Variants in CYP4X1 observed in about 807,000 individuals in gnomAD.
CYP4X1 encodes cytochrome P450 family 4 subfamily X member 1, also known as cytochrome P450 4X1.
In CYP4X1, 44 loss-of-function variants were observed where a neutral mutation model predicts 57.9. That is an observed-to-expected ratio of 0.76 (90% CI 0.60 to 0.98). The LOEUF (loss-of-function observed/expected upper bound fraction) is 0.98, where lower values mean the gene tolerates loss of function less well. Among genes scored for constraint, CYP4X1 ranks in the 50% least tolerant of loss-of-function variants. CYP4X1 has a pLI of 0.00. For synonymous variants in CYP4X1, 227 were observed against 228.6 expected (o/e 0.99, Z 0.06); for missense variants, 532 against 623.9 (o/e 0.85, Z 1.57).
chr1:47,049,660 A>G (rs56311064), intron 11 of CYP4X1, among the ~76,000 whole-genome samples, 156 bp downstream of exon 11: 6,542 of 152,224 alleles, frequency 0.043, 429 homozygotes, highest in African/African-American at 0.14. Flanking sequence ...ACAAAGGACA[A>G]TCGTATTCTC....
the CYP4X1 span, among the ~76,000 whole-genome samples, chr1:46,979,620 G>A: frequency 2.0e-5 from 3 of 152,072 alleles, no homozygotes; most frequent in Admixed American, 1.3e-4. Flanking sequence ...CTCCCTAACT[G>A]ATTTTATGAG....
At chr1:47,039,312 T>C (rs1414183709) in intron 7 of CYP4X1, 30 bp from the exon 8 acceptor site, 10 of 1,524,786 alleles carry the variant, frequency 6.6e-6, no homozygotes, top group Non-Finnish European at 8.8e-6. Context: ...ACTGGCATTT[T>C]ATTTAAAATA....
chr1:46,962,351 C>A, the CYP4X1 span, among the ~76,000 whole-genome samples: 1 of 152,238 alleles, frequency 6.6e-6, no homozygotes, highest in African/African-American at 2.4e-5. Flanking sequence ...CTCCTGACCT[C>A]AAGGGATCTG....
chr1:47,030,965 G>A (rs1230393671), intron 2 of CYP4X1, among the ~76,000 whole-genome samples: 1 of 152,174 alleles, frequency 6.6e-6, no homozygotes, highest in Non-Finnish European at 1.5e-5. Context: ...GGCAAGTCTG[G>A]TAATGCCAGC....
downstream of CYP4X1, among the ~76,000 whole-genome samples, chr1:47,055,149 A>G (rs1644385450): frequency 1.3e-5 from 2 of 152,194 alleles, no homozygotes; most frequent in Admixed American, 1.3e-4. Context: ...ATTTTGTCAA[A>G]GGCCTTTTCT....
At chr1:46,978,584 A>G in the CYP4X1 span, among the ~76,000 whole-genome samples, 1 of 151,974 alleles carries the variant, frequency 6.6e-6, no homozygotes. Flanking sequence ...AAGGTTAACA[A>G]GGATATCCAG....
chr1:46,990,772 C>G, the CYP4X1 span, among the ~76,000 whole-genome samples: 2 of 152,116 alleles, frequency 1.3e-5, no homozygotes, highest in Non-Finnish European at 2.9e-5. Flanking sequence ...AAGCTGGAAA[C>G]CATCTTCCTC....
chr1:47,029,588 G>T (rs1356715453), intron 1 of CYP4X1, among the ~76,000 whole-genome samples: 1 of 152,142 alleles, frequency 6.6e-6, no homozygotes, highest in Non-Finnish European at 1.5e-5. Flanking sequence ...TGGATGTAGG[G>T]TCATGCCCCA....
At chr1:47,022,708 G>A (rs919363959), upstream of CYP4X1, among the ~76,000 whole-genome samples, 12 of 152,168 alleles carry the variant, frequency 7.9e-5, no homozygotes, top group Admixed American at 6.6e-4. Context: ...CAGTGATAGG[G>A]AGAACAGGGA....
At chr1:47,035,657 A>G in intron 4 of CYP4X1, 149 bp from the exon 5 acceptor site, 3 of 1,183,932 alleles carry the variant, frequency 2.5e-6, no homozygotes, top group Middle Eastern at 3.0e-4. Context: ...GTGTAAGCAC[A>G]TGGCTTATTT....
At chr1:46,998,568 GA>G in the CYP4X1 span, among the ~76,000 whole-genome samples, 2 of 152,110 alleles carry the variant, frequency 1.3e-5, no homozygotes, top group Non-Finnish European at 2.9e-5. Context: ...TTGCTGTGGA[GA>G]AGATCTTTAG....
chr1:47,027,199 G>T (rs1227484290), intron 1 of CYP4X1, among the ~76,000 whole-genome samples: 6 of 150,860 alleles, frequency 4.0e-5, no homozygotes, highest in African/African-American at 1.2e-4. Context: ...TTTTTGAGAG[G>T]TTTCTATCAG....
At chr1:47,008,878 A>C in the CYP4X1 span, among the ~76,000 whole-genome samples, 1 of 152,232 alleles carries the variant, frequency 6.6e-6, no homozygotes, top group African/African-American at 2.4e-5. Flanking sequence ...TAACTATCCT[A>C]AATATATATG....
At chr1:46,964,837 G>C in the CYP4X1 span, among the ~76,000 whole-genome samples, 1 of 152,212 alleles carries the variant, frequency 6.6e-6, no homozygotes, top group South Asian at 2.1e-4. Flanking sequence ...GCCCCCAGTG[G>C]TGGAGTCTAC....
chr1:47,022,384 G>C (rs929508103), upstream of CYP4X1, among the ~76,000 whole-genome samples: 1 of 149,506 alleles, frequency 6.7e-6, no homozygotes, highest in African/African-American at 2.5e-5. Flanking sequence ...TTTGCCTCTC[G>C]GGTTCAAGCG....
chr1:46,995,316 T>G, the CYP4X1 span, among the ~76,000 whole-genome samples: 1 of 152,048 alleles, frequency 6.6e-6, no homozygotes, highest in Non-Finnish European at 1.5e-5. Flanking sequence ...ACTAAAACTG[T>G]TCAATAAAAT....
the CYP4X1 span, among the ~76,000 whole-genome samples, chr1:46,968,419 C>T: frequency 6.6e-6 from 1 of 152,160 alleles, no homozygotes; most frequent in Admixed American, 6.5e-5. Context: ...AGCTGTCAGC[C>T]AGCCCTCCAT....
the CYP4X1 span, among the ~76,000 whole-genome samples, chr1:46,969,664 C>G: frequency 3.9e-5 from 6 of 152,184 alleles, no homozygotes; most frequent in Non-Finnish European, 7.3e-5. Flanking sequence ...TCCACAGAAG[C>G]AATTATAGAG....
At chr1:46,968,389 G>A in the CYP4X1 span, among the ~76,000 whole-genome samples, 2 of 152,138 alleles carry the variant, frequency 1.3e-5, no homozygotes, top group East Asian at 3.8e-4. Context: ...CATCACAGCT[G>A]GGCAGCATCC....
Sources: gnomAD v4.1 joint callset for allele counts (sites outside exome capture counted in the v4.1 genomes callset) on GRCh38, gnomAD v4.1.1 for gene constraint, MANE v1.5 for transcripts, NCBI Gene and HGNC (gene_info 2026-07-23, HGNC 2026-07-21) for gene names.